Variants in RAB3GAP1 observed in about 807,000 individuals in gnomAD.
The protein encoded by RAB3GAP1 is RAB3 GTPase activating protein catalytic subunit 1.
In RAB3GAP1, 86 loss-of-function variants were observed where a neutral mutation model predicts 130.7. The observed-to-expected ratio is 0.66, with a 90% CI of 0.55 to 0.79. The LOEUF (loss-of-function observed/expected upper bound fraction) is 0.79, where lower values mean the gene tolerates loss of function less well. Ranked by LOEUF, RAB3GAP1 falls within the 30% of genes least tolerant of loss-of-function variation. RAB3GAP1 has a pLI of 0.00. For missense variants in RAB3GAP1, 1,029 were observed against 1,169.4 expected (o/e 0.88, Z 1.75); for synonymous variants, 367 against 401.7 (o/e 0.91, Z 1.03).
chr2:135,060,255 G>GCTTTT (rs1441325591), intron 3 of RAB3GAP1, among the ~76,000 whole-genome samples: 1 of 123,638 alleles, frequency 8.1e-6, no homozygotes, highest in African/African-American at 3.6e-5. Flanking sequence ...TTAACTGCTT[G>GCTTTT]ATTTTTTTTT....
intron 13 of RAB3GAP1, 74 bp from the exon 14 acceptor site, chr2:135,132,821 C>T: frequency 1.2e-6 from 1 of 868,268 alleles, no homozygotes. Flanking sequence ...TAAATAATGT[C>T]TATATGAGTT....
At position 135,164,584 on chromosome 2, in the gene RAB3GAP1, T is replaced by C; in HGVS notation, c.2607-10T>C. On this transcript the variant is annotated splice_polypyrimidine_tract_variant and intron_variant, in intron 22 of 23. Coordinates refer to ENST00000264158, the MANE Select transcript of RAB3GAP1 (RefSeq NM_012233.3). ...TTTCCACCCTTTCATTGCCTGTCTC[T>C]GTCTCCTAGGTTTGTGAGTTGCCTG... 6 of 1,600,274 alleles carry C rather than the reference T, an allele frequency of 3.7e-6. No individual in the cohort carries two copies. Among genetic ancestry groups the C allele is most frequent in the Non-Finnish European group, 5.1e-6 (6 of 1,168,384 alleles).
At chr2:135,060,057 A>C (rs1689121931) in intron 3 of RAB3GAP1, among the ~76,000 whole-genome samples, 1 of 152,152 alleles carries the variant, frequency 6.6e-6, no homozygotes, top group South Asian at 2.1e-4. Context: ...AATTATGGAA[A>C]ATTTCAAACA....
intron 7 of RAB3GAP1, among the ~76,000 whole-genome samples, chr2:135,117,612 TCTGCTTCTG>T (rs1691043156): frequency 9.2e-5 from 13 of 141,780 alleles, no homozygotes; most frequent in African/African-American, 2.9e-4. Flanking sequence ...TTCTGCTTCT[TCTGCTTCTG>T]CTTCTTCTGC....
chr2:135,173,117 CTG>C (rs144243968), downstream of RAB3GAP1, among the ~76,000 whole-genome samples: 132 of 152,168 alleles, frequency 8.7e-4, no homozygotes, highest in African/African-American at 2.6e-3. Flanking sequence ...CCCTCAGAAA[CTG>C]TGTAAGATGC....
At chr2:135,084,548 A>G (rs1689922274) in intron 3 of RAB3GAP1, among the ~76,000 whole-genome samples, 1 of 152,166 alleles carries the variant, frequency 6.6e-6, no homozygotes, top group Non-Finnish European at 1.5e-5. Flanking sequence ...AGTTCAAGAC[A>G]TAGGAATACC....
At position 135,135,692 on chromosome 2, in the gene RAB3GAP1, A is replaced by G. The variant is rs958229911; in HGVS notation, c.1683A>G (p.Leu561=). ...KAGDQLVPDN[L]KETDKEKGEV... is the part of the protein sequence containing the mutation. ...GAGACCAGTTGGTGCCAGATAATCT[A>G]AAAGAAACAGATAAGGAAAAGGGAG... Residue 561 remains leucine, a synonymous_variant, in exon 17 of 24, where the codon CTA becomes CTG. Transcript: ENST00000264158. 1.9e-6 allele frequency: 3 copies of G among 1,614,034 alleles called. No homozygotes were observed. Among genetic ancestry groups the G allele is most frequent in the Admixed American group, 1.7e-5 (1 of 59,998 alleles).
At chr2:135,061,204 T>G (rs1689161013) in intron 3 of RAB3GAP1, among the ~76,000 whole-genome samples, 1 of 152,170 alleles carries the variant, frequency 6.6e-6, no homozygotes, top group African/African-American at 2.4e-5. Flanking sequence ...ATACATGGTT[T>G]CTTTCACTTG....
At chr2:135,067,103 A>G (rs957761141) in intron 3 of RAB3GAP1, among the ~76,000 whole-genome samples, 3 of 152,238 alleles carry the variant, frequency 2.0e-5, no homozygotes, top group Non-Finnish European at 4.4e-5. Flanking sequence ...AGTTATAACA[A>G]TAAGTCAAAT....
chr2:135,154,701 C>T (rs867636949), intron 19 of RAB3GAP1, among the ~76,000 whole-genome samples: 2 of 152,064 alleles, frequency 1.3e-5, no homozygotes, highest in African/African-American at 4.8e-5. Flanking sequence ...GTAGGGTTTG[C>T]TAGTTCACAG....
chr2:135,164,672 C>T lies in RAB3GAP1; in HGVS notation c.2685C>T (p.His895=), dbSNP rs1325549436. 4 of 1,611,836 alleles carry T rather than the reference C, an allele frequency of 2.5e-6. No individual in the cohort carries two copies. Among genetic ancestry groups the T allele is most frequent in the Non-Finnish European group, 1.7e-6 (2 of 1,178,338 alleles). ...AGRGHAGRII[H]KLFVNAQRAA... ...GAGGACATGCTGGCAGGATCATTCA[C>T]AAGCTGTTTGTGAATGCCCAGAGGG... Residue 895 remains histidine (H), a synonymous_variant, in exon 23 of 24, where the codon CAC becomes CAT. Coordinates refer to ENST00000264158, the MANE Select transcript of RAB3GAP1 (RefSeq NM_012233.3).
intron 21 of RAB3GAP1, 25 bp from the exon 22 acceptor site, chr2:135,162,961 A>T: frequency 6.3e-7 from 1 of 1,594,208 alleles, no homozygotes; most frequent in African/African-American, 1.3e-5. Context: ...CTCGCAATGT[A>T]TGCCTCTTCC....
chr2:135,110,982 A>G (rs1690787621), intron 5 of RAB3GAP1, among the ~76,000 whole-genome samples: 1 of 152,162 alleles, frequency 6.6e-6, no homozygotes, highest in Non-Finnish European at 1.5e-5. Context: ...TTTGAAAAAA[A>G]GAAAACTATT....
At chr2:135,060,781 T>A (rs530181238) in intron 3 of RAB3GAP1, among the ~76,000 whole-genome samples, 1 of 151,092 alleles carries the variant, frequency 6.6e-6, no homozygotes, top group Admixed American at 6.6e-5. Flanking sequence ...TCTTGGCTCA[T>A]TGCAACCTCT....
At chr2:135,157,556 A>G (rs888177442) in intron 19 of RAB3GAP1, among the ~76,000 whole-genome samples, 18 of 152,128 alleles carry the variant, frequency 1.2e-4, no homozygotes, top group African/African-American at 4.3e-4. Context: ...TCTTGAGGCC[A>G]GGCGCTGGTG....
At chr2:135,053,410 T>C (rs977683952) in intron 2 of RAB3GAP1, among the ~76,000 whole-genome samples, 1 of 152,274 alleles carries the variant, frequency 6.6e-6, no homozygotes, top group Admixed American at 6.5e-5. Flanking sequence ...ACTGTTCTAT[T>C]ACTGAAATTA....
At chr2:135,132,038 A>G (rs938363159) in intron 13 of RAB3GAP1, among the ~76,000 whole-genome samples, 2 of 152,216 alleles carry the variant, frequency 1.3e-5, no homozygotes, top group Non-Finnish European at 2.9e-5. Flanking sequence ...ACTTAGCTCA[A>G]ACAGTTGTAT....
intron 5 of RAB3GAP1, among the ~76,000 whole-genome samples, chr2:135,099,392 C>T (rs1690387080): frequency 6.6e-6 from 1 of 151,522 alleles, no homozygotes; most frequent in Non-Finnish European, 1.5e-5. Flanking sequence ...TTTGCATTCT[C>T]AAGATAAACT....
chr2:135,107,711 G>T (rs1690669230), intron 5 of RAB3GAP1, among the ~76,000 whole-genome samples: 1 of 151,932 alleles, frequency 6.6e-6, no homozygotes, highest in Non-Finnish European at 1.5e-5. Context: ...GGTATGGCTG[G>T]GTGCGGTGGC....
Sources: allele counts gnomAD v4.1 joint callset (sites outside exome capture counted in the v4.1 genomes callset), GRCh38; gene constraint gnomAD v4.1.1; transcripts MANE v1.5; gene names NCBI Gene and HGNC (gene_info 2026-07-23, HGNC 2026-07-21).